NRG3: variants seen among roughly 807,000 people sequenced by gnomAD.
NRG3 encodes pro-neuregulin-3, membrane-bound isoform.
NRG3 carries 31 observed loss-of-function variants against 66.9 expected under a neutral mutation model. That is an observed-to-expected ratio of 0.46 (90% CI 0.35 to 0.63). The LOEUF (loss-of-function observed/expected upper bound fraction) is 0.63. Among genes scored for constraint, NRG3 ranks in the 20% least tolerant of loss-of-function variants. NRG3 has a pLI of 0.00. For missense variants in NRG3, 910 were observed against 878.9 expected (o/e 1.04, Z -0.45); for synonymous variants, 393 against 359.4 (o/e 1.09, Z -1.06).
chr10:82,914,201 G>A (rs554916805), intron 4 of NRG3, among the ~76,000 whole-genome samples: 1 of 151,494 alleles, frequency 6.6e-6, no homozygotes, highest in African/African-American at 2.4e-5. Context: ...ATTGCATGTT[G>A]TGTACTTTTT....
intron 2 of NRG3, among the ~76,000 whole-genome samples, chr10:82,644,550 G>A (rs1235267550): frequency 6.6e-6 from 1 of 152,070 alleles, no homozygotes; most frequent in Non-Finnish European, 1.5e-5. Flanking sequence ...GAGGAAACTA[G>A]TGAGACATTA....
At chr10:82,427,665 G>C (rs2089533396) in intron 2 of NRG3, among the ~76,000 whole-genome samples, 1 of 152,012 alleles carries the variant, frequency 6.6e-6, no homozygotes, top group Admixed American at 6.6e-5. Context: ...TGTTTGTTTT[G>C]CTTTTCCTTG....
At chr10:81,914,994 A>C (rs1200773283) in intron 1 of NRG3, among the ~76,000 whole-genome samples, 1 of 152,136 alleles carries the variant, frequency 6.6e-6, no homozygotes, top group Non-Finnish European at 1.5e-5. Flanking sequence ...ATGATTCATT[A>C]ATTAGTGTAT....
At chr10:82,762,384 G>A (rs2059364668) in intron 3 of NRG3, among the ~76,000 whole-genome samples, 1 of 152,080 alleles carries the variant, frequency 6.6e-6, no homozygotes, top group Admixed American at 6.6e-5. Flanking sequence ...AAAAATACTT[G>A]AAAAGTTTAC....
At chr10:82,978,898 G>T (rs1852566434) in intron 7 of NRG3, 52 bp from the exon 8 acceptor site, 1 of 1,576,656 alleles carries the variant, frequency 6.3e-7, no homozygotes, top group Non-Finnish European at 8.6e-7. Context: ...TGAGGTTATT[G>T]CTATGATGTC....
intron 1 of NRG3, among the ~76,000 whole-genome samples, chr10:82,049,510 A>C (rs1489043404): frequency 6.6e-6 from 1 of 151,950 alleles, no homozygotes; most frequent in African/African-American, 2.4e-5. Flanking sequence ...ACTTTCCAAA[A>C]TTTTCTCTTA....
intron 2 of NRG3, among the ~76,000 whole-genome samples, chr10:82,408,121 AAGAAAGAAAGAAAG>A (rs748126584): frequency 4.9e-5 from 7 of 143,546 alleles, no homozygotes; most frequent in African/African-American, 1.3e-4. Context: ...GAAAGAAAGA[AAGAAAGAAAGAAAG>A]AAAGAAAGAA....
intron 3 of NRG3, among the ~76,000 whole-genome samples, chr10:82,831,100 G>T (rs555027066): frequency 6.6e-6 from 1 of 152,122 alleles, no homozygotes; most frequent in Non-Finnish European, 1.5e-5. Context: ...AACATTAGAG[G>T]TTGCTAACGT....
At chr10:81,940,367 G>C (rs982958614) in intron 1 of NRG3, among the ~76,000 whole-genome samples, 2 of 151,598 alleles carry the variant, frequency 1.3e-5, no homozygotes, top group African/African-American at 4.8e-5. Flanking sequence ...TTGTTTTTTA[G>C]AGTCAGTTTC....
chr10:82,800,000 C>T (rs771558121), intron 3 of NRG3: 4 of 152,196 alleles, frequency 2.6e-5, no homozygotes, highest in Admixed American at 1.3e-4. Flanking sequence ...ATACACCCTT[C>T]GTCATGTTGG....
intron 3 of NRG3, among the ~76,000 whole-genome samples, chr10:82,746,052 C>T (rs888526164): frequency 1.3e-5 from 2 of 152,136 alleles, no homozygotes; most frequent in African/African-American, 4.8e-5. Context: ...CCACACTCAA[C>T]TACTTTTTAA....
chr10:82,601,864 TTATATATATATAACTATATATACAAA>T (rs1565115570), intron 2 of NRG3, among the ~76,000 whole-genome samples: 4 of 146,278 alleles, frequency 2.7e-5, no homozygotes, highest in East Asian at 2.0e-4. Flanking sequence ...AAAAAATTAT[TTATATATATATAACTATATATACAAA>T]TATATATATA....
chr10:82,459,380 C>T (rs934196534), intron 2 of NRG3, among the ~76,000 whole-genome samples: 3 of 152,160 alleles, frequency 2.0e-5, no homozygotes, highest in East Asian at 1.9e-4. Context: ...TTTGACTGAT[C>T]GGATTGGATT....
intron 1 of NRG3, among the ~76,000 whole-genome samples, chr10:82,220,714 A>G (rs778754311): frequency 2.0e-5 from 3 of 152,202 alleles, no homozygotes; most frequent in Non-Finnish European, 4.4e-5. Context: ...TTTTGATACT[A>G]GTTTTAAAAT....
chr10:82,910,086 T>C (rs1845178410), intron 4 of NRG3, among the ~76,000 whole-genome samples: 1 of 152,140 alleles, frequency 6.6e-6, no homozygotes, highest in Non-Finnish European at 1.5e-5. Context: ...ATTCTGGCCA[T>C]GAAACAAGAA....
intron 3 of NRG3, among the ~76,000 whole-genome samples, chr10:82,790,488 A>G (rs2060542544): frequency 6.6e-6 from 1 of 151,882 alleles, no homozygotes; most frequent in Non-Finnish European, 1.5e-5. Context: ...TTTTTTCGAT[A>G]CCTTTACAAT....
chr10:82,065,035 A>G (rs985287624), intron 1 of NRG3, among the ~76,000 whole-genome samples: 6 of 152,208 alleles, frequency 3.9e-5, no homozygotes, highest in African/African-American at 1.4e-4. Context: ...TATCAGAGAC[A>G]AATTAAATTT....
intron 3 of NRG3, among the ~76,000 whole-genome samples, chr10:82,853,669 A>T (rs1486705394): frequency 6.6e-6 from 1 of 152,126 alleles, no homozygotes; most frequent in Admixed American, 6.6e-5. Context: ...AAACTTTGCT[A>T]GATTCATTTA....
At chr10:82,245,990 T>TTTG (rs752917835) in intron 1 of NRG3, among the ~76,000 whole-genome samples, 2,643 of 150,554 alleles carry the variant, frequency 0.018, 39 homozygotes, top group South Asian at 0.024. Context: ...TTTTTTTTTT[T>TTTG]TTTTTTTTTT....
Sources: gnomAD v4.1 joint callset for allele counts (sites outside exome capture counted in the v4.1 genomes callset) on GRCh38, gnomAD v4.1.1 for gene constraint, MANE v1.5 for transcripts, NCBI Gene and HGNC (gene_info 2026-07-23, HGNC 2026-07-21) for gene names.